DMD: variants seen among roughly 807,000 people sequenced by gnomAD.
The protein encoded by DMD is mutant dystrophin.
DMD carries 63 observed loss-of-function variants against 330.1 expected under a neutral mutation model. That is an observed-to-expected ratio of 0.19 (90% CI 0.16 to 0.24). The LOEUF is 0.24. DMD is among the 10% of genes least tolerant of loss of function. DMD has a pLI of 1.00. For synonymous variants in DMD, 1,223 were observed against 959.8 expected (o/e 1.27, Z -5.07); for missense variants, 3,344 against 2,684.1 (o/e 1.25, Z -5.43).
At chrX:32,557,051 T>G (rs1376963391) in intron 16 of DMD, among the ~76,000 whole-genome samples, 1 of 111,905 alleles carries the variant, frequency 8.9e-6, no homozygotes, top group Non-Finnish European at 1.9e-5. Context: ...AAAACTCCCT[T>G]GCTATGTTGT....
intron 2 of DMD, among the ~76,000 whole-genome samples, chrX:32,984,819 C>T (rs1285042706): frequency 9.0e-6 from 1 of 111,334 alleles, no homozygotes; most frequent in Non-Finnish European, 1.9e-5. Flanking sequence ...GTGTTTGTAT[C>T]ACCTTTTCTC....
intron 47 of DMD, among the ~76,000 whole-genome samples, chrX:31,881,737 G>C (rs1363903630): frequency 8.9e-6 from 1 of 112,315 alleles, no homozygotes; most frequent in African/African-American, 3.2e-5. Flanking sequence ...GCAATATGCT[G>C]TACCATATAG....
At chrX:32,550,753 A>G (rs1220488905) in intron 16 of DMD, among the ~76,000 whole-genome samples, 1 of 110,789 alleles carries the variant, frequency 9.0e-6, no homozygotes, top group Non-Finnish European at 1.9e-5. Flanking sequence ...AATAAAGAAA[A>G]AAAGAGAGAA....
At chrX:31,196,625 C>A (rs958009832) in intron 67 of DMD, among the ~76,000 whole-genome samples, 2 of 108,630 alleles carry the variant, frequency 1.8e-5, no homozygotes, top group Non-Finnish European at 3.8e-5. Context: ...GAGATTGAGA[C>A]CATCCTGGCC....
intron 1 of DMD, among the ~76,000 whole-genome samples, chrX:33,277,442 A>C (rs139657146): frequency 0.011 from 1,233 of 111,325 alleles, 20 homozygotes; most frequent in African/African-American, 0.038. Flanking sequence ...CCTCAATTTA[A>C]AAAATGCAAC....
chrX:32,596,616 G>A (rs1391056842), intron 12 of DMD, among the ~76,000 whole-genome samples: 1 of 109,927 alleles, frequency 9.1e-6, no homozygotes, highest in Non-Finnish European at 1.9e-5. Context: ...CATGATCTCG[G>A]CTCACTGCAA....
chrX:33,025,536 T>C (rs1473395552), intron 1 of DMD, among the ~76,000 whole-genome samples: 2 of 110,965 alleles, frequency 1.8e-5, no homozygotes, highest in East Asian at 2.8e-4. Flanking sequence ...ACAAAGCAAT[T>C]AACCATAATC....
At position 31,323,715 on chromosome X, in the gene DMD, G is replaced by C. The variant is rs1368200180; in HGVS notation, c.9164-57C>G. ...AGGAGGTCAAATTCATCGCAAACAG[G>C]AAAGACAACATTAATCTCCAGAATT... On this transcript the variant is annotated intron_variant, in intron 61 of 78. Transcript: ENST00000357033. The C allele has an allele frequency of 6.0e-6, 6 of 1,007,047 alleles. No homozygotes were observed. In the African/African-American group the frequency reaches 7.5e-5, roughly 13 times the overall value. The allele number at this position is 1,007,047 out of a possible 1,213,427, so 83.0% of individuals were successfully genotyped here. A position where few individuals can be genotyped will look rare whatever the true frequency, so the allele number is the denominator to read the frequency against.
At chrX:32,465,029 T>C (rs1048529965) in intron 23 of DMD, among the ~76,000 whole-genome samples, 3 of 112,154 alleles carry the variant, frequency 2.7e-5, no homozygotes, top group Admixed American at 1.9e-4. Flanking sequence ...TAAAAATGTG[T>C]CCTTACAGTA....
chrX:32,509,471 C>A (rs944788597), intron 18 of DMD, among the ~76,000 whole-genome samples: 13 of 111,619 alleles, frequency 1.2e-4, no homozygotes, highest in Non-Finnish European at 5.6e-5. Context: ...GACTGTGTAT[C>A]AACAAAGAGG....
chrX:32,727,154 T>A (rs2066981002), intron 7 of DMD, among the ~76,000 whole-genome samples: 1 of 111,439 alleles, frequency 9.0e-6, no homozygotes, highest in Non-Finnish European at 1.9e-5. Flanking sequence ...AAAGATCTGC[T>A]TCAGAAACAC....
intron 55 of DMD, among the ~76,000 whole-genome samples, chrX:31,574,918 C>T (rs2076023724): frequency 9.0e-6 from 1 of 111,715 alleles, no homozygotes; most frequent in African/African-American, 3.3e-5. Flanking sequence ...TTCAAATGAC[C>T]TGTGTAATAT....
chrX:31,284,385 A>G (rs139968750), intron 62 of DMD, among the ~76,000 whole-genome samples: 1,120 of 111,287 alleles, frequency 0.01, 12 homozygotes, highest in African/African-American at 0.035. Context: ...GGATCTTCAG[A>G]CAGAGAGGCT....
chrX:31,317,657 G>A lies in DMD; in HGVS notation c.9224+5941C>T, dbSNP rs753558700. Among the ~76,000 whole-genome samples, 11 of 108,984 alleles carry A rather than the reference G, an allele frequency of 1.0e-4. No homozygotes were observed. In the East Asian group the frequency reaches 1.4e-3, roughly 14 times the overall value. 94.6% of individuals were successfully genotyped at this position (108,984 alleles called of 115,157 possible). ...CTCCCAAGTAGCTGGGACTACAGGC[G>A]CCCGCCACCACGCCCAGCTAATTTT... is the stretch of plus-strand genomic sequence containing the variant. On this transcript the variant is annotated intron_variant, in intron 62 of 78. Transcript: ENST00000357033.
At chrX:31,679,774 A>G (rs1205995012) in intron 52 of DMD, among the ~76,000 whole-genome samples, 188 bp from the exon 53 acceptor site, 1 of 112,382 alleles carries the variant, frequency 8.9e-6, no homozygotes, top group Non-Finnish European at 1.9e-5. Flanking sequence ...TTTCTGTTAA[A>G]TTATTTTCCT....
intron 34 of DMD, among the ~76,000 whole-genome samples, chrX:32,375,202 G>A (rs1165688825): frequency 9.0e-6 from 1 of 110,590 alleles, no homozygotes; most frequent in Non-Finnish European, 1.9e-5. Flanking sequence ...ATAAGAATCT[G>A]TCGATCATGC....
chrX:31,339,857 G>T (rs913247324), intron 61 of DMD, among the ~76,000 whole-genome samples: 5 of 112,537 alleles, frequency 4.4e-5, no homozygotes, highest in Non-Finnish European at 9.4e-5. Flanking sequence ...TTACTGGCGT[G>T]AGCCACCGCA....
chrX:32,999,362 A>C (rs963768953), intron 2 of DMD, among the ~76,000 whole-genome samples: 9 of 111,769 alleles, frequency 8.1e-5, no homozygotes, highest in African/African-American at 2.9e-4. Flanking sequence ...GCCCAAGACA[A>C]TTCTCCCAGT....
At chrX:32,712,324 T>C (rs1004377122) in intron 7 of DMD, among the ~76,000 whole-genome samples, 7 of 111,591 alleles carry the variant, frequency 6.3e-5, no homozygotes, top group Admixed American at 5.8e-4. Flanking sequence ...TGAAAAATAC[T>C]GGAGCTACTG....
Sources: allele counts gnomAD v4.1 joint callset (sites outside exome capture counted in the v4.1 genomes callset), GRCh38; gene constraint gnomAD v4.1.1; transcripts MANE v1.5; gene names NCBI Gene and HGNC (gene_info 2026-07-23, HGNC 2026-07-21).